Variants in STPG2 observed in about 807,000 individuals in gnomAD.
STPG2 encodes the protein sperm-tail PG-rich repeat-containing protein 2.
Under a neutral mutation model 54.2 loss-of-function variants are expected in STPG2, and 56 were observed. The observed-to-expected ratio is 1.03, with a 90% CI of 0.83 to 1.29. The LOEUF is 1.29. Ranked by LOEUF, STPG2 falls within the 50% of genes most tolerant of loss-of-function variation. The pLI, the probability that STPG2 is intolerant of heterozygous loss-of-function variation, is 0.00. For synonymous variants in STPG2, 200 were observed against 181.8 expected, an observed-to-expected ratio of 1.10 and a Z score of -0.81; for missense variants, 596 against 544.9, an observed-to-expected ratio of 1.09 and a Z score of -0.93.
At chr4:98,113,054 T>C (rs918689943) in intron 3 of STPG2, among the ~76,000 whole-genome samples, 7 of 151,538 alleles carry the variant, frequency 4.6e-5, no homozygotes, top group African/African-American at 1.7e-4. Context: ...ATTAAAATAT[T>C]GGCTAAAAGA....
chr4:97,635,062 A>C (rs1239836657), intron 10 of STPG2, among the ~76,000 whole-genome samples: 1 of 152,058 alleles, frequency 6.6e-6, no homozygotes, highest in Non-Finnish European at 1.5e-5. Flanking sequence ...GTTGAAATGA[A>C]GGAAAAAATG....
At chr4:98,085,500 T>C (rs967296729) in intron 5 of STPG2, among the ~76,000 whole-genome samples, 3 of 152,102 alleles carry the variant, frequency 2.0e-5, no homozygotes, top group Admixed American at 6.5e-5. Context: ...CTTAATAGTA[T>C]TGCATCTTTC....
rs112468746 is a variant in STPG2 at position 97,631,239 on chromosome 4, T to C, written c.1321-72122A>G. Among the ~76,000 whole-genome samples the C allele has an allele frequency of 8.7e-3, 1,331 of 152,128 alleles. 12 individuals are homozygous for C. The highest frequency in any genetic ancestry group is 0.03 in the African/African-American group (1,244 of 41,560). On this transcript the variant is annotated intron_variant, in intron 10 of 10. Transcript: ENST00000295268. ...CCTTGACAAAGAAGGCAAGACATTA[T>C]TCAATATTAAATTCAGAAGAAAGAA...
chr4:97,882,930 C>T (rs1730429997), intron 8 of STPG2, among the ~76,000 whole-genome samples: 1 of 151,360 alleles, frequency 6.6e-6, no homozygotes, highest in Admixed American at 6.6e-5. Flanking sequence ...CCAAAATTTA[C>T]AAAACATAAA....
chr4:97,602,204 T>C (rs1313680912), intron 10 of STPG2, among the ~76,000 whole-genome samples: 1 of 151,854 alleles, frequency 6.6e-6, no homozygotes. Context: ...GTTGAACTTA[T>C]TTTTTCATTT....
At chr4:97,565,808 G>A (rs1378743867) in intron 10 of STPG2, among the ~76,000 whole-genome samples, 1 of 151,422 alleles carries the variant, frequency 6.6e-6, no homozygotes, top group African/African-American at 2.4e-5. Flanking sequence ...TGTCTCAGAG[G>A]AGTACCCGGC....
intron 9 of STPG2, 70 bp from the exon 10 acceptor site, chr4:97,712,884 A>G: frequency 2.8e-6 from 3 of 1,064,700 alleles, no homozygotes; most frequent in South Asian, 1.9e-5. Context: ...TCATATGAAT[A>G]TTAGGTTTGT....
Position 97,928,097 on chromosome 4 carries a change from A to C in STPG2, c.1044+15800T>G, listed in dbSNP as rs1470191196. ...TATTTGCATTTCACTTTTAACCTGC[A>C]TAGGTTGACCACTAGAGTTTTAGTG... On this transcript the variant is annotated intron_variant, in intron 8 of 10. Coordinates refer to ENST00000295268, the MANE Select transcript of STPG2 (RefSeq NM_174952.3). Among the ~76,000 whole-genome samples, 3 of 152,292 alleles carry C rather than the reference A, an allele frequency of 2.0e-5. No homozygotes were observed. The East Asian group carries it at 5.8e-4, about 29-fold the overall frequency.
chr4:98,120,132 G>A (rs554482052), intron 3 of STPG2, among the ~76,000 whole-genome samples: 63 of 152,082 alleles, frequency 4.1e-4, no homozygotes, highest in Non-Finnish European at 8.1e-4. Context: ...CCAGGCTGGA[G>A]TACAGTGGCT....
At chr4:98,098,206 G>A (rs1727257) in intron 5 of STPG2, among the ~76,000 whole-genome samples, 130,778 of 152,106 alleles carry the variant, frequency 0.86, 56,359 homozygotes, top group Middle Eastern at 0.97. Context: ...GAGGAATCAC[G>A]TTACCTAACC....
intron 8 of STPG2, among the ~76,000 whole-genome samples, chr4:97,868,765 T>G (rs893480855): frequency 2.0e-5 from 3 of 151,836 alleles, no homozygotes; most frequent in African/African-American, 7.2e-5. Flanking sequence ...AATCTCCTAC[T>G]CCCTCCAAAC....
At chr4:98,113,877 T>C (rs1468613067) in intron 3 of STPG2, among the ~76,000 whole-genome samples, 1 of 151,738 alleles carries the variant, frequency 6.6e-6, no homozygotes, top group African/African-American at 2.4e-5. Flanking sequence ...AATAAGGGAG[T>C]CAGACCATCC....
chr4:98,065,221 T>C (rs963881566), intron 5 of STPG2, among the ~76,000 whole-genome samples: 6 of 152,264 alleles, frequency 3.9e-5, no homozygotes, highest in African/African-American at 1.4e-4. Flanking sequence ...TAATTTCTAT[T>C]CAAGGCAACA....
intron 4 of STPG2, among the ~76,000 whole-genome samples, chr4:97,478,958 G>A (rs932852613): frequency 6.8e-6 from 1 of 147,522 alleles, no homozygotes; most frequent in Non-Finnish European, 1.5e-5. Context: ...TAAGTAATTG[G>A]ATGATGGATG....
chr4:97,973,382 A>C (rs1734398931), intron 6 of STPG2, among the ~76,000 whole-genome samples: 1 of 152,204 alleles, frequency 6.6e-6, no homozygotes, highest in South Asian at 2.1e-4. Flanking sequence ...CAAAGCATTC[A>C]AGATGTGACT....
intron 8 of STPG2, among the ~76,000 whole-genome samples, chr4:97,853,880 C>T (rs915998250): frequency 3.3e-5 from 5 of 152,184 alleles, no homozygotes; most frequent in Non-Finnish European, 7.3e-5. Context: ...CTCCTGGGCT[C>T]GAGAGCTCCT....
At chr4:97,840,001 T>C (rs1004339767) in intron 9 of STPG2, among the ~76,000 whole-genome samples, 1 of 151,610 alleles carries the variant, frequency 6.6e-6, no homozygotes, top group Non-Finnish European at 1.5e-5. Context: ...CTGTGTAAAA[T>C]AGCATAATAA....
chr4:97,891,102 G>A (rs1425691332), intron 8 of STPG2, among the ~76,000 whole-genome samples: 2 of 151,946 alleles, frequency 1.3e-5, no homozygotes, highest in African/African-American at 4.8e-5. Context: ...GGGGTTGCCT[G>A]ATTTTATAAA....
intron 5 of STPG2, among the ~76,000 whole-genome samples, chr4:98,069,815 G>T (rs745598875): frequency 6.6e-6 from 1 of 151,918 alleles, no homozygotes; most frequent in Non-Finnish European, 1.5e-5. Flanking sequence ...AGCATTTAAG[G>T]GTAATGAAAG....
Sources: allele counts gnomAD v4.1 joint callset (sites outside exome capture counted in the v4.1 genomes callset), GRCh38; gene constraint gnomAD v4.1.1; transcripts MANE v1.5; gene names NCBI Gene and HGNC (gene_info 2026-07-23, HGNC 2026-07-21).